The following SLC4A10 variants were observed in gnomAD, a reference collection of about 807,000 sequenced individuals.
SLC4A10 encodes the protein sodium-driven chloride bicarbonate exchanger.
Under a neutral mutation model 137.7 loss-of-function variants are expected in SLC4A10, and 42 were observed. That is an observed-to-expected ratio of 0.30 (90% CI 0.24 to 0.39). SLC4A10 has a LOEUF of 0.39. Ranked by LOEUF, SLC4A10 falls within the 10% of genes least tolerant of loss-of-function variation. The pLI is 1.00. For missense variants in SLC4A10, 925 were observed against 1,355.0 expected (o/e 0.68, Z 4.98); for synonymous variants, 474 against 464.1 (o/e 1.02, Z -0.27).
intron 1 of SLC4A10, among the ~76,000 whole-genome samples, chr2:161,733,982 G>C (rs1008817924): frequency 1.3e-5 from 2 of 152,184 alleles, no homozygotes; most frequent in Admixed American, 6.5e-5. Context: ...ATTTGGAACA[G>C]CTGTATTTAC....
At chr2:161,909,306 T>C (rs1685255633) in intron 15 of SLC4A10, among the ~76,000 whole-genome samples, 1 of 152,104 alleles carries the variant, frequency 6.6e-6, no homozygotes, top group South Asian at 2.1e-4. Context: ...TCCATCTCTG[T>C]TTTTTAAAAA....
chr2:161,796,046 C>A (rs2054738398), intron 2 of SLC4A10, among the ~76,000 whole-genome samples: 1 of 152,066 alleles, frequency 6.6e-6, no homozygotes, highest in African/African-American at 2.4e-5. Flanking sequence ...TCTTAATTTG[C>A]CTGCCCATTG....
intron 21 of SLC4A10, among the ~76,000 whole-genome samples, chr2:161,963,622 T>C (rs1697098037): frequency 6.6e-6 from 1 of 152,054 alleles, no homozygotes; most frequent in South Asian, 2.1e-4. Flanking sequence ...ACTTAGCAGC[T>C]GGATAAGGGT....
intron 2 of SLC4A10, among the ~76,000 whole-genome samples, chr2:161,777,714 G>C (rs1362167511): frequency 6.6e-6 from 1 of 151,982 alleles, no homozygotes; most frequent in East Asian, 1.9e-4. Flanking sequence ...AGAACAGCAC[G>C]GGAAAGACCC....
At chr2:161,899,451 A>G (rs754696340) in intron 11 of SLC4A10, among the ~76,000 whole-genome samples, 1 of 152,064 alleles carries the variant, frequency 6.6e-6, no homozygotes, top group Non-Finnish European at 1.5e-5. Context: ...ACTAAAATAC[A>G]TACGAGAACA....
At chr2:161,707,993 G>A (rs1203005903) in intron 1 of SLC4A10, among the ~76,000 whole-genome samples, 1 of 151,034 alleles carries the variant, frequency 6.6e-6, no homozygotes, top group East Asian at 1.9e-4. Flanking sequence ...CTTCAAGAGA[G>A]TACAATTTTG....
intron 10 of SLC4A10, among the ~76,000 whole-genome samples, chr2:161,885,652 T>C (rs1174216282): frequency 6.6e-6 from 1 of 152,220 alleles, no homozygotes; most frequent in African/African-American, 2.4e-5. Context: ...CATATGATTA[T>C]GCTTATCAAC....
At chr2:161,699,168 G>A (rs571113219) in intron 1 of SLC4A10, among the ~76,000 whole-genome samples, 26 of 152,154 alleles carry the variant, frequency 1.7e-4, no homozygotes, top group African/African-American at 2.2e-4. Context: ...TACAGGTGCC[G>A]CCACCATGCC....
intron 1 of SLC4A10, among the ~76,000 whole-genome samples, chr2:161,686,907 G>T (rs1450540870): frequency 6.6e-6 from 1 of 150,792 alleles, no homozygotes; most frequent in Admixed American, 6.6e-5. Context: ...TTTTGAGATG[G>T]AGTCTTGCTC....
At chr2:161,776,040 A>G (rs545391213) in intron 2 of SLC4A10, among the ~76,000 whole-genome samples, 3 of 152,014 alleles carry the variant, frequency 2.0e-5, no homozygotes, top group African/African-American at 4.8e-5. Context: ...ATGTAGATCA[A>G]ATAGGAATAG....
chr2:161,780,043 C>T (rs1430285199), intron 2 of SLC4A10, among the ~76,000 whole-genome samples: 1 of 151,956 alleles, frequency 6.6e-6, no homozygotes, highest in African/African-American at 2.4e-5. Context: ...AGTTTGAATG[C>T]CATTCATATT....
chr2:161,633,053 A>G (rs73971335), intron 1 of SLC4A10, among the ~76,000 whole-genome samples: 8 of 151,672 alleles, frequency 5.3e-5, no homozygotes, highest in African/African-American at 1.9e-4. Flanking sequence ...TGATTTTTCA[A>G]CTTTACCAGG....
chr2:161,924,052 A>G (rs1688631267), intron 15 of SLC4A10, among the ~76,000 whole-genome samples: 1 of 152,114 alleles, frequency 6.6e-6, no homozygotes, highest in Non-Finnish European at 1.5e-5. Context: ...ACTCCATCTT[A>G]TTGCCAGAGT....
chr2:161,689,236 T>C (rs1208591620), intron 1 of SLC4A10, among the ~76,000 whole-genome samples: 1 of 152,122 alleles, frequency 6.6e-6, no homozygotes, highest in African/African-American at 2.4e-5. Context: ...GTTTATGAAG[T>C]CTACAGCAGT....
chr2:161,981,302 C>T (rs978046387), intron 26 of SLC4A10, among the ~76,000 whole-genome samples: 11 of 152,202 alleles, frequency 7.2e-5, no homozygotes, highest in Non-Finnish European at 1.6e-4. Context: ...CTCTGTCCTA[C>T]AATCTCCTAC....
At chr2:161,953,998 A>G (rs1438149264) in intron 19 of SLC4A10, among the ~76,000 whole-genome samples, 1 of 152,210 alleles carries the variant, frequency 6.6e-6, no homozygotes, top group African/African-American at 2.4e-5. Context: ...ATCTTATAAA[A>G]AAGAAAGTTT....
chr2:161,927,380 T>A (rs2105574168), intron 15 of SLC4A10, among the ~76,000 whole-genome samples: 1 of 152,304 alleles, frequency 6.6e-6, no homozygotes, highest in East Asian at 1.9e-4. Flanking sequence ...ATTCTTTACG[T>A]AGTTCTCAAG....
At chr2:161,928,684 TG>T (rs1301018387) in intron 15 of SLC4A10, among the ~76,000 whole-genome samples, 1 of 149,266 alleles carries the variant, frequency 6.7e-6, no homozygotes, top group Non-Finnish European at 1.5e-5. Context: ...AGTTTCAGGT[TG>T]GGACAGACCT....
chr2:161,881,660 CA>C (rs749164104), intron 9 of SLC4A10, among the ~76,000 whole-genome samples: 2 of 152,006 alleles, frequency 1.3e-5, no homozygotes, highest in Non-Finnish European at 2.9e-5. Context: ...TTGACCTTCT[CA>C]GAGACAGGGC....
Sources: allele counts gnomAD v4.1 joint callset (sites outside exome capture counted in the v4.1 genomes callset), GRCh38; gene constraint gnomAD v4.1.1; transcripts MANE v1.5; gene names NCBI Gene and HGNC (gene_info 2026-07-23, HGNC 2026-07-21).